The following HUWE1 variants were observed in gnomAD, a reference collection of about 807,000 sequenced individuals.
HUWE1 encodes the protein HECT, UBA and WWE domain containing E3 ubiquitin protein ligase 1, also known as E3 ubiquitin-protein ligase HUWE1.
A neutral mutation model predicts 299.4 loss-of-function variants in HUWE1; 18 were observed. The observed-to-expected ratio is 0.06, with a 90% confidence interval of 0.04 to 0.09. The LOEUF (loss-of-function observed/expected upper bound fraction) is 0.09. HUWE1 is among the 10% of genes least tolerant of loss of function. The pLI, the probability that HUWE1 is intolerant of heterozygous loss-of-function variation, is 1.00. For missense variants in HUWE1, 1,832 were observed against 3,462.3 expected (o/e 0.53, Z 11.82); for synonymous variants, 1,317 against 1,286.1 (o/e 1.02, Z -0.51).
intron 68 of HUWE1, 135 bp downstream of exon 68, chrX:53,547,538 A>G: frequency 1.0e-6 from 1 of 987,062 alleles, no homozygotes; most frequent in East Asian, 3.4e-5. Context: ...GAGGGTGAGA[A>G]TGAACACATT....
intron 47 of HUWE1, among the ~76,000 whole-genome samples, chrX:53,570,797 C>T (rs782626193): frequency 3.5e-4 from 39 of 111,848 alleles, no homozygotes; most frequent in South Asian, 7.5e-4. Flanking sequence ...CACAACACTG[C>T]GAATGTACTA....
intron 2 of HUWE1, among the ~76,000 whole-genome samples, chrX:53,682,703 G>A (rs934535981): frequency 9.0e-6 from 1 of 111,077 alleles, no homozygotes; most frequent in Admixed American, 9.6e-5. Context: ...GGTAAGAGGT[G>A]CTCAGCAGCA....
chrX:53,610,976 TGAGA>T (rs1247165952), intron 23 of HUWE1, among the ~76,000 whole-genome samples: 3 of 110,282 alleles, frequency 2.7e-5, no homozygotes, highest in Non-Finnish European at 5.7e-5. Flanking sequence ...TCAGATTTTC[TGAGA>T]TCAAACAATT....
At chrX:53,577,468 A>C (rs1335762985) in intron 43 of HUWE1, among the ~76,000 whole-genome samples, 9 of 98,389 alleles carry the variant, frequency 9.1e-5, no homozygotes, top group Non-Finnish European at 1.4e-4. Flanking sequence ...AAAAAAAAAA[A>C]AAAAAAAACT....
In HUWE1 at chrX:53,654,074, G is replaced by A; in HGVS notation, c.34C>T (p.Pro12Ser). The change falls in exon 4 of 84, where the codon CCT becomes TCT. Residue 12 changes from proline (P) to serine (S), a missense_variant. Transcript: ENST00000262854. ...KVDRTKLKKTPTEAPADCRAL... is the reference protein window; with the variant it reads ...KVDRTKLKKTSTEAPADCRAL... ...TTTTGGATACTTACAGCCTCAGTAG[G>A]TGTCTTCTTCAGTTTAGTCCTGTCT... 1 of 1,187,511 alleles carries A rather than the reference G, an allele frequency of 8.4e-7. No homozygotes were observed. The highest frequency in any genetic ancestry group is 1.1e-6 in the Non-Finnish European group (1 of 874,414).
chrX:53,597,735 A>C (rs1042121834), intron 29 of HUWE1, among the ~76,000 whole-genome samples: 1 of 87,834 alleles, frequency 1.1e-5, no homozygotes, highest in African/African-American at 4.3e-5. Flanking sequence ...CCCCAAAACC[A>C]CATCTCTAAT....
In HUWE1 at chrX:53,533,714, T is replaced by A. The variant is rs782162620; in HGVS notation, c.13022+293A>T. 5.1e-4 allele frequency: 222 copies of A among 438,331 alleles called. 2 individuals carry two copies. The South Asian group carries it at 6.3e-3, about 12-fold the overall frequency. 36.1% of individuals were successfully genotyped at this position (438,331 alleles called of 1,213,427 possible). A position where few individuals can be genotyped will look rare whatever the true frequency, so the allele number is the denominator to read the frequency against. On this transcript the variant is annotated intron_variant, in intron 83 of 83. Coordinates refer to ENST00000262854, the MANE Select transcript of HUWE1 (RefSeq NM_031407.7). ...GAGTCACTGGTAATCGGACCTCTGC[T>A]GAGCTCTTTAGACTTTTGCTCCCTG...
At chrX:53,623,435 C>G (rs2066273038) in intron 19 of HUWE1, among the ~76,000 whole-genome samples, 1 of 111,893 alleles carries the variant, frequency 8.9e-6, no homozygotes, top group Admixed American at 9.4e-5. Flanking sequence ...TAGCAGAGAG[C>G]TTTTCCATAG....
At chrX:53,542,845 TTGTGTGTGTGTGTGTGTGTGTGTG>T (rs57187405) in intron 73 of HUWE1, 51 of 163,889 alleles carry the variant, frequency 3.1e-4, no homozygotes, top group Admixed American at 1.3e-3. Context: ...TCTTCTTCTG[TTGTGTGTGTGTGTGTGTGTGTGTG>T]TGTGTGTGTG....
At chrX:53,534,973 G>A (rs1272034635) in intron 81 of HUWE1, among the ~76,000 whole-genome samples, 1 of 107,959 alleles carries the variant, frequency 9.3e-6, no homozygotes, top group Non-Finnish European at 1.9e-5. Context: ...GTCTCACTCT[G>A]TTGCCCAGGC....
At position 53,670,770 on chromosome X, in the gene HUWE1, GAA is replaced by G. The variant is rs782331387; in HGVS notation, c.-25+9277_-25+9278del. ...ACAAACTGCAAAGCCCTCCAAAGTA[GAA>G]GAGTCAAACTAGCCCCTGGAAAAAT... On this transcript the variant is annotated intron_variant, in intron 3 of 83. Coordinates refer to ENST00000262854, the MANE Select transcript of HUWE1 (RefSeq NM_031407.7). Among the ~76,000 whole-genome samples, 151 of 111,700 alleles carry G rather than the reference GAA, an allele frequency of 1.4e-3. 1 individual carries two copies. Among genetic ancestry groups the G allele is most frequent in the African/African-American group, 4.9e-3 (150 of 30,747 alleles).
intron 43 of HUWE1, among the ~76,000 whole-genome samples, chrX:53,578,453 C>G (rs1287273512): frequency 1.1e-5 from 1 of 94,276 alleles, no homozygotes; most frequent in African/African-American, 4.1e-5. Context: ...GCCCCTCTGC[C>G]CGGCCAGTCG....
chrX:53,673,056 C>A (rs1401464906), intron 3 of HUWE1, among the ~76,000 whole-genome samples: 1 of 112,212 alleles, frequency 8.9e-6, no homozygotes, highest in Non-Finnish European at 1.9e-5. Context: ...AAAAAAAGTT[C>A]TATTCCCAAA....
intron 29 of HUWE1, among the ~76,000 whole-genome samples, chrX:53,599,361 C>CCATT (rs782810663): frequency 5.4e-5 from 6 of 111,903 alleles, no homozygotes; most frequent in Non-Finnish European, 9.4e-5. Context: ...ACACCAAAGG[C>CCATT]CATTTTCTGT....
intron 73 of HUWE1, among the ~76,000 whole-genome samples, chrX:53,543,529 G>GA (rs1293485717): frequency 6.3e-5 from 7 of 110,341 alleles, no homozygotes; most frequent in African/African-American, 1.7e-4. Flanking sequence ...CCATGGGACT[G>GA]AAAAAAAACT....
At position 53,631,013 on chromosome X, in the gene HUWE1, G is replaced by T. The variant is rs1557022249; in HGVS notation, c.784C>A (p.Arg262=). The T allele has an allele frequency of 5.1e-6, 6 of 1,178,291 alleles. No homozygotes were observed. The highest frequency in any genetic ancestry group is 3.6e-5 in the South Asian group (2 of 56,182). Residue 262 remains arginine, a synonymous_variant, in exon 12 of 84, where the codon CGA becomes AGA. Transcript: ENST00000262854. ...DKQMLLFTHI[R]LAHGFSNHRK... is the part of the protein sequence containing the mutation. ...TGATTAGAAAAGCCATGGGCCAGTC[G>T]TATGTGTGTAAATAACAGCATCTGT...
At chrX:53,617,483 T>G in intron 19 of HUWE1, 37 bp from the exon 20 acceptor site, 15 of 826,728 alleles carry the variant, frequency 1.8e-5, no homozygotes, top group Non-Finnish European at 2.7e-5. Flanking sequence ...AACTGAGAGA[T>G]TCCTCACAGA....
intron 3 of HUWE1, among the ~76,000 whole-genome samples, chrX:53,669,993 A>T (rs1978764321): frequency 8.9e-6 from 1 of 112,333 alleles, no homozygotes; most frequent in Non-Finnish European, 1.9e-5. Context: ...AATAAGATGG[A>T]CTTAGAAAGC....
chrX:53,645,731 AAAAAAATAT>A (rs1162456741), intron 6 of HUWE1, among the ~76,000 whole-genome samples: 4 of 16,396 alleles, frequency 2.4e-4, no homozygotes, highest in Non-Finnish European at 2.4e-4. Context: ...AAAAAAAAAA[AAAAAAATAT>A]ATATATATAT....
Sources: gnomAD v4.1 joint callset for allele counts (sites outside exome capture counted in the v4.1 genomes callset) on GRCh38, gnomAD v4.1.1 for gene constraint, MANE v1.5 for transcripts, NCBI Gene and HGNC (gene_info 2026-07-23, HGNC 2026-07-21) for gene names.